CEP85L: variants seen among roughly 807,000 people sequenced by gnomAD.
CEP85L encodes centrosomal protein of 85 kDa-like.
Under a neutral mutation model 100.3 loss-of-function variants are expected in CEP85L, and 60 were observed. The observed-to-expected ratio is 0.60, with a 90% CI of 0.49 to 0.74. The LOEUF is 0.74. Ranked by LOEUF, CEP85L falls within the 30% of genes least tolerant of loss-of-function variation. The pLI is 0.00. For synonymous variants in CEP85L, 319 were observed against 322.7 expected (o/e 0.99, Z 0.12); for missense variants, 973 against 936.2 (o/e 1.04, Z -0.51).
chr6:118,501,807 G>C, intron 5 of CEP85L: 2 of 1,155,684 alleles, frequency 1.7e-6, no homozygotes, highest in Non-Finnish European at 2.5e-6. Context: ...GAGGCTGCTG[G>C]CTGAGAGAGA....
At chr6:118,477,180 G>C (rs1043644251) in intron 10 of CEP85L, among the ~76,000 whole-genome samples, 2 of 152,024 alleles carry the variant, frequency 1.3e-5, no homozygotes, top group Non-Finnish European at 2.9e-5. Context: ...ATTTCTAAAA[G>C]GTCAATGAGT....
At chr6:118,651,045 T>G in intron 1 of CEP85L, 152 bp downstream of exon 1, 1 of 1,241,326 alleles carries the variant, frequency 8.1e-7, no homozygotes, top group South Asian at 1.9e-5. Flanking sequence ...GCCCGGGTGC[T>G]GACAGCGGGG....
chr6:118,574,133 T>G (rs952779838), intron 2 of CEP85L: 3 of 152,224 alleles, frequency 2.0e-5, no homozygotes, highest in Non-Finnish European at 4.4e-5. Context: ...AGCAAACCTC[T>G]TACTCTGTAA....
intron 2 of CEP85L, 109 bp from the exon 3 acceptor site, chr6:118,566,425 C>T (rs1779510481): frequency 2.3e-6 from 2 of 866,178 alleles, no homozygotes; most frequent in Admixed American, 3.2e-5. Flanking sequence ...ATAGCACAAG[C>T]TTTTTTTTTT....
chr6:118,578,332 C>T (rs1780363001), intron 2 of CEP85L, among the ~76,000 whole-genome samples: 1 of 152,222 alleles, frequency 6.6e-6, no homozygotes, highest in Non-Finnish European at 1.5e-5. Context: ...TGCGTGTTCA[C>T]CATATTTAGA....
Position 118,681,033 on chromosome 6 carries a change from G to A in CEP85L, c.-27-28225C>T, listed in dbSNP as rs535976869. Among the ~76,000 whole-genome samples, 6 of 152,326 alleles carry A rather than the reference G, an allele frequency of 3.9e-5. No individual in the cohort carries two copies. In the East Asian group the frequency reaches 1.2e-3, roughly 29 times the overall value. On this transcript the variant is annotated intron_variant, in intron 1 of 13. Transcript: ENST00000368488. The stretch of plus-strand genomic sequence containing the variant: ...CAGAACTATTGTGCGTGTGACATTT[G>A]CTTTGAGAAATGAATACTGGGTTGA...
intron 4 of CEP85L, among the ~76,000 whole-genome samples, chr6:118,521,047 T>C (rs1464542587): frequency 1.3e-5 from 2 of 152,196 alleles, no homozygotes; most frequent in African/African-American, 4.8e-5. Flanking sequence ...TCATGTAATT[T>C]TGGATAATAT....
intron 10 of CEP85L, 51 bp downstream of exon 10, chr6:118,479,818 TAA>T (rs1380808202): frequency 1.5e-5 from 13 of 856,990 alleles, no homozygotes; most frequent in Admixed American, 8.1e-5. Flanking sequence ...AAATAAGCAT[TAA>T]GAGTATATCA....
At chr6:118,665,307 T>C (rs1260742921) in intron 1 of CEP85L, among the ~76,000 whole-genome samples, 4 of 152,220 alleles carry the variant, frequency 2.6e-5, no homozygotes, top group Admixed American at 6.5e-5. Flanking sequence ...TATCAAATGA[T>C]TACTTGTGCT....
chr6:118,489,716 C>T (rs982907062), intron 6 of CEP85L, among the ~76,000 whole-genome samples: 5 of 152,078 alleles, frequency 3.3e-5, no homozygotes, highest in African/African-American at 7.2e-5. Context: ...GATACAGCTG[C>T]TATGGGAATC....
At chr6:118,696,903 T>C (rs113955490) in intron 1 of CEP85L, among the ~76,000 whole-genome samples, 2 of 152,192 alleles carry the variant, frequency 1.3e-5, no homozygotes, top group Non-Finnish European at 2.9e-5. Flanking sequence ...GCATATTACC[T>C]TAGCTTCTTT....
chr6:118,483,102 C>T (rs1180576771), intron 7 of CEP85L, among the ~76,000 whole-genome samples: 2 of 151,896 alleles, frequency 1.3e-5, no homozygotes, highest in Non-Finnish European at 2.9e-5. Context: ...TCAATAGTGC[C>T]GAGGTCAAGA....
At position 118,462,965 on chromosome 6, in the gene CEP85L, C is replaced by G. The variant is rs984252686; in HGVS notation, c.*2440G>C. ...TACAAACTCCAGATTTTAAGAGGAT[C>G]AATCTATAATTCAGCTAACTACTTA... On this transcript the variant is annotated 3_prime_UTR_variant, in exon 13 of 13. Transcript: ENST00000368491. The G allele has an allele frequency of 6.6e-6, 1 of 151,934 alleles. No homozygotes were observed. The highest frequency in any genetic ancestry group is 1.5e-5 in the Non-Finnish European group (1 of 67,878). 9.4% of individuals were successfully genotyped at this position (151,934 alleles called of 1,614,324 possible).
intron 7 of CEP85L, among the ~76,000 whole-genome samples, chr6:118,483,011 G>C (rs1392026324): frequency 6.6e-6 from 1 of 152,148 alleles, no homozygotes; most frequent in Non-Finnish European, 1.5e-5. Context: ...AGTGAGTAGA[G>C]GGCAGATATG....
chr6:118,608,155 T>C (rs139377940), intron 2 of CEP85L, among the ~76,000 whole-genome samples: 1 of 152,230 alleles, frequency 6.6e-6, no homozygotes, highest in East Asian at 1.9e-4. Context: ...TTTGCATCTT[T>C]TGTCAATGTT....
At chr6:118,557,651 G>T (rs1486614661) in intron 3 of CEP85L, among the ~76,000 whole-genome samples, 1 of 152,178 alleles carries the variant, frequency 6.6e-6, no homozygotes, top group Admixed American at 6.5e-5. Flanking sequence ...TCCTTGAGCT[G>T]CTGGGATTGG....
At chr6:118,704,733 A>G (rs2114376629) in intron 1 of CEP85L, among the ~76,000 whole-genome samples, 1 of 152,230 alleles carries the variant, frequency 6.6e-6, no homozygotes, top group Non-Finnish European at 1.5e-5. Flanking sequence ...GGCCTCCCAC[A>G]GTGCTGGGAT....
intron 1 of CEP85L, among the ~76,000 whole-genome samples, chr6:118,680,798 C>A (rs1197718167): frequency 6.6e-6 from 1 of 152,022 alleles, no homozygotes; most frequent in Non-Finnish European, 1.5e-5. Context: ...ATCACTTGAG[C>A]CCAGGAGGTC....
intron 1 of CEP85L, among the ~76,000 whole-genome samples, chr6:118,666,141 GA>G (rs1474989763): frequency 1.3e-5 from 2 of 152,120 alleles, no homozygotes; most frequent in Non-Finnish European, 2.9e-5. Context: ...TACTTTGCTG[GA>G]CTTCTCTCTT....
Sources: allele counts gnomAD v4.1 joint callset (sites outside exome capture counted in the v4.1 genomes callset), GRCh38; gene constraint gnomAD v4.1.1; transcripts MANE v1.5; gene names NCBI Gene and HGNC (gene_info 2026-07-23, HGNC 2026-07-21).